Variants in GRM1 observed in about 807,000 individuals in gnomAD.
GRM1 encodes the protein glutamate metabotropic receptor 1, also known as metabotropic glutamate receptor 1.
GRM1 carries 33 observed loss-of-function variants against 90.9 expected under a neutral mutation model. The ratio of observed to expected loss-of-function variants is 0.36; its 90% confidence interval spans 0.28 to 0.49. The LOEUF (loss-of-function observed/expected upper bound fraction) is 0.49, where lower values mean the gene tolerates loss of function less well. GRM1 is among the 20% of genes least tolerant of loss of function. The pLI is 0.99. For synonymous variants in GRM1, 700 were observed against 613.2 expected (o/e 1.14, Z -2.09); for missense variants, 1,190 against 1,534.3 (o/e 0.78, Z 3.75).
At chr6:146,032,860 G>A (rs1241359654) in intron 1 of GRM1, among the ~76,000 whole-genome samples, 1 of 152,104 alleles carries the variant, frequency 6.6e-6, no homozygotes, top group Non-Finnish European at 1.5e-5. Context: ...GTAGTTAATT[G>A]TGAGATTATC....
At position 146,397,399 on chromosome 6, in the gene GRM1, A is replaced by G. The variant is rs918112888; in HGVS notation, c.1730-1370A>G. On this transcript the variant is annotated intron_variant, in intron 6 of 7. Transcript: ENST00000282753. ...TGAGGCAGGAGAATGGCGTGAATCCAGGAGGCGGAGCTTGCAGTGAGCTGA... is the reference window on the plus strand; with the variant it reads ...TGAGGCAGGAGAATGGCGTGAATCCGGGAGGCGGAGCTTGCAGTGAGCTGA... Among the ~76,000 whole-genome samples, 5 of 145,336 alleles carry G rather than the reference A, an allele frequency of 3.4e-5. No homozygotes were observed. In the South Asian group the frequency reaches 9.2e-4, roughly 27 times the overall value.
chr6:146,327,815 C>A (rs1330340415), intron 3 of GRM1, among the ~76,000 whole-genome samples: 7 of 152,138 alleles, frequency 4.6e-5, no homozygotes, highest in Admixed American at 4.6e-4. Flanking sequence ...ACCTCACCCC[C>A]CACTTTCCCT....
chr6:146,116,208 C>T (rs979196610), intron 1 of GRM1, among the ~76,000 whole-genome samples: 2 of 152,122 alleles, frequency 1.3e-5, no homozygotes, highest in Non-Finnish European at 1.5e-5. Context: ...CTGCCCACCC[C>T]GGCCTCCCAA....
At chr6:146,088,871 T>C (rs930732610) in intron 1 of GRM1, among the ~76,000 whole-genome samples, 1 of 152,120 alleles carries the variant, frequency 6.6e-6, no homozygotes, top group Non-Finnish European at 1.5e-5. Context: ...TAATGTATTA[T>C]TTGTAATACT....
chr6:146,280,926 A>G (rs1174019000), intron 2 of GRM1, among the ~76,000 whole-genome samples: 1 of 152,024 alleles, frequency 6.6e-6, no homozygotes, highest in East Asian at 1.9e-4. Context: ...ACCACACCCA[A>G]GTAGCATTTT....
At chr6:146,107,374 A>G (rs77685017) in intron 1 of GRM1, among the ~76,000 whole-genome samples, 1 of 141,758 alleles carries the variant, frequency 7.1e-6, no homozygotes, top group Non-Finnish European at 1.5e-5. Flanking sequence ...TTTTTTTTTT[A>G]TGGTTTTAAC....
chr6:146,384,007 C>A (rs1348677007), intron 5 of GRM1, among the ~76,000 whole-genome samples: 1 of 152,092 alleles, frequency 6.6e-6, no homozygotes, highest in Non-Finnish European at 1.5e-5. Flanking sequence ...ATCACTCAGG[C>A]TTTCTGCCTG....
chr6:146,348,179 A>G (rs1307278271), intron 3 of GRM1, among the ~76,000 whole-genome samples: 1 of 152,158 alleles, frequency 6.6e-6, no homozygotes, highest in East Asian at 1.9e-4. Context: ...AAGGCACTAA[A>G]CCCCAGGAAG....
chr6:146,360,851 A>AT lies in GRM1; in HGVS notation c.1602+3158dup, dbSNP rs533289698. Among the ~76,000 whole-genome samples, 147 of 152,328 alleles carry AT rather than the reference A, an allele frequency of 9.7e-4. 1 individual carries two copies. The highest frequency in any genetic ancestry group is 3.2e-3 in the African/African-American group (135 of 41,582). On this transcript the variant is annotated intron_variant, in intron 5 of 7. Transcript: ENST00000282753. ...AATAAGGGGGAAAGGGAAGTGAGGT[A>AT]TGGAAGGATGGGGAAAAGCAAAACA...
intron 3 of GRM1, among the ~76,000 whole-genome samples, chr6:146,338,428 T>C (rs1784854960): frequency 6.6e-6 from 1 of 152,210 alleles, no homozygotes; most frequent in African/African-American, 2.4e-5. Flanking sequence ...AAGCCCCAGC[T>C]AAAAAGAGAG....
At chr6:146,241,853 G>A (rs1780876697) in intron 2 of GRM1, among the ~76,000 whole-genome samples, 1 of 152,130 alleles carries the variant, frequency 6.6e-6, no homozygotes, top group Non-Finnish European at 1.5e-5. Context: ...GGCACCTGCA[G>A]ATAGTAAATA....
chr6:146,079,812 A>G (rs1429791733), intron 1 of GRM1, among the ~76,000 whole-genome samples: 3 of 152,224 alleles, frequency 2.0e-5, no homozygotes, highest in Admixed American at 2.0e-4. Flanking sequence ...GGCGTTGTAG[A>G]GGAACTATCA....
At chr6:146,369,565 A>G (rs1380494388) in intron 5 of GRM1, among the ~76,000 whole-genome samples, 1 of 151,686 alleles carries the variant, frequency 6.6e-6, no homozygotes, top group East Asian at 1.9e-4. Flanking sequence ...TTCTTAATTT[A>G]TTCATGGACC....
intron 2 of GRM1, among the ~76,000 whole-genome samples, chr6:146,206,775 T>A (rs1427151927): frequency 1.3e-5 from 2 of 152,134 alleles, no homozygotes; most frequent in African/African-American, 4.8e-5. Flanking sequence ...GGGTACCCAG[T>A]TATCTTTTCT....
intron 7 of GRM1, among the ~76,000 whole-genome samples, chr6:146,425,787 C>T (rs1415700605): frequency 6.6e-6 from 1 of 152,000 alleles, no homozygotes; most frequent in Non-Finnish European, 1.5e-5. Flanking sequence ...TATCCCATCA[C>T]CTTCTGCAGT....
Position 146,234,121 on chromosome 6 carries a change from T to G in GRM1, c.951-70490T>G, listed in dbSNP as rs143481305. Among the ~76,000 whole-genome samples the G allele has an allele frequency of 2.5e-4, 38 of 152,198 alleles. 1 individual carries two copies. The East Asian group carries it at 6.6e-3, about 26-fold the overall frequency. ...GTTATAGTTGTACTTGATTTCTTTT[T>G]ATGGCTGAATATTATTTCACATTTT... On this transcript the variant is annotated intron_variant, in intron 2 of 7. Transcript: ENST00000282753.
intron 1 of GRM1, among the ~76,000 whole-genome samples, chr6:146,054,450 T>C (rs533649713): frequency 6.6e-6 from 1 of 152,218 alleles, no homozygotes; most frequent in South Asian, 2.1e-4. Flanking sequence ...GCAAGCTGTT[T>C]CCATAGCAAG....
chr6:146,355,078 A>G (rs1189757129), intron 4 of GRM1, among the ~76,000 whole-genome samples: 1 of 152,254 alleles, frequency 6.6e-6, no homozygotes, highest in Non-Finnish European at 1.5e-5. Flanking sequence ...GGAAAAAGAC[A>G]TTCTAGAGCC....
intron 1 of GRM1, among the ~76,000 whole-genome samples, chr6:146,146,248 C>T (rs1282843282): frequency 1.3e-5 from 2 of 150,354 alleles, no homozygotes; most frequent in African/African-American, 4.9e-5. Context: ...ATCACCACAC[C>T]TGGCTAATTT....
Sources: allele counts gnomAD v4.1 joint callset (sites outside exome capture counted in the v4.1 genomes callset), GRCh38; gene constraint gnomAD v4.1.1; transcripts MANE v1.5; gene names NCBI Gene and HGNC (gene_info 2026-07-23, HGNC 2026-07-21).